GALNT12: variants seen among roughly 807,000 people sequenced by gnomAD.
GALNT12 encodes the protein polypeptide N-acetylgalactosaminyltransferase 12, also known as UDP-GalNAc:polypeptide N-acetylgalactosaminyltransferase 12.
In GALNT12, 45 loss-of-function variants were observed where a neutral mutation model predicts 55.5. The ratio of observed to expected loss-of-function variants is 0.81; its 90% CI spans 0.64 to 1.04. The LOEUF (loss-of-function observed/expected upper bound fraction) is 1.04, where lower values mean the gene tolerates loss of function less well. Among genes scored for constraint, GALNT12 ranks in the 50% least tolerant of loss-of-function variants. The probability of loss-of-function intolerance (pLI) is 0.00; values close to 1 mark genes in which losing one functional copy is unlikely to be tolerated. For synonymous variants in GALNT12, 304 were observed against 312.2 expected, an observed-to-expected ratio of 0.97 and a Z score of 0.28; for missense variants, 709 against 754.8, an observed-to-expected ratio of 0.94 and a Z score of 0.71.
At chr9:98,812,901 G>T (rs1835524592) in intron 1 of GALNT12, among the ~76,000 whole-genome samples, 1 of 152,134 alleles carries the variant, frequency 6.6e-6, no homozygotes. Context: ...ATTAACTATG[G>T]ACCATAGAAT....
intron 6 of GALNT12, among the ~76,000 whole-genome samples, chr9:98,838,905 T>C (rs1169686433): frequency 6.6e-6 from 1 of 152,202 alleles, no homozygotes; most frequent in Non-Finnish European, 1.5e-5. Flanking sequence ...CTGTGGCTGA[T>C]AGGAGGTAGA....
At chr9:98,810,609 G>A (rs1835475177) in intron 1 of GALNT12, among the ~76,000 whole-genome samples, 1 of 152,198 alleles carries the variant, frequency 6.6e-6, no homozygotes, top group South Asian at 2.1e-4. Flanking sequence ...AAGGAGTTGG[G>A]AATGACTAAG....
intron 7 of GALNT12, 112 bp from the exon 8 acceptor site, chr9:98,843,984 T>C (rs1462542792): frequency 2.9e-5 from 22 of 751,566 alleles, no homozygotes; most frequent in Non-Finnish European, 4.4e-5. Flanking sequence ...CCTTTGCGTC[T>C]AGCTCTTGAA....
At position 98,837,122 on chromosome 9, in the gene GALNT12, T is replaced by G. The variant is rs780883563; in HGVS notation, c.1186T>G (p.Tyr396Asp). ...VWMDEFKELYYHRNPRARLEP... is the reference protein window; with the variant it reads ...VWMDEFKELYDHRNPRARLEP... ...GATGGATGAATTTAAAGAGCTCTAC[T>G]ACCATCGCAACCCCCGTGCCCGCTT... The change falls in exon 6 of 10, where the codon TAC becomes GAC. Residue 396 changes from tyrosine to aspartate, a missense_variant. Transcript: ENST00000375011. 6.8e-6 allele frequency: 11 copies of G among 1,614,138 alleles called. No individual in the cohort carries two copies. The South Asian group carries it at 1.1e-4, about 16-fold the overall frequency.
chr9:98,821,624 C>CAAAAAAAAAAAAAGAAA (rs1835742543), intron 1 of GALNT12, among the ~76,000 whole-genome samples: 1 of 112,030 alleles, frequency 8.9e-6, no homozygotes, highest in Non-Finnish European at 1.9e-5. Context: ...GACTCCATCT[C>CAAAAAAAAAAAAAGAAA]AAAAAAAAAA....
chr9:98,829,594 C>G (rs1835947272), intron 3 of GALNT12, among the ~76,000 whole-genome samples: 1 of 151,878 alleles, frequency 6.6e-6, no homozygotes, highest in South Asian at 2.1e-4. Flanking sequence ...TTTTTGTACC[C>G]ATTAACCATC....
chr9:98,841,731 C>T (rs983183519), intron 7 of GALNT12, among the ~76,000 whole-genome samples: 3 of 151,594 alleles, frequency 2.0e-5, no homozygotes, highest in South Asian at 2.1e-4. Flanking sequence ...AGTGCAATGG[C>T]GCGCTCTCAG....
chr9:98,830,021 C>G (rs927470498), intron 3 of GALNT12, among the ~76,000 whole-genome samples: 15 of 152,178 alleles, frequency 9.9e-5, no homozygotes, highest in Non-Finnish European at 2.2e-4. Context: ...TATGGTAGCT[C>G]TATTTTTAGT....
intron 1 of GALNT12, among the ~76,000 whole-genome samples, chr9:98,820,540 A>G (rs1368979850): frequency 6.6e-6 from 1 of 152,222 alleles, no homozygotes; most frequent in Non-Finnish European, 1.5e-5. Context: ...GCTATTGTGA[A>G]TAGTACAGCA....
At position 98,823,553 on chromosome 9, in the gene GALNT12, AG is replaced by A. The variant is rs1835794643; in HGVS notation, c.541+130del. On this transcript the variant is annotated intron_variant, in intron 2 of 9. Transcript: ENST00000375011. ...GGCTTCCTGTATCCTCCTGTACCCA[AG>A]GAAGACCTCAGGGATAGTAGCCCAG... The A allele has an allele frequency of 3.5e-5, 27 of 774,144 alleles. No individual in the cohort carries two copies. In the South Asian group the frequency reaches 3.9e-4, roughly 11 times the overall value. The allele number at this position is 774,144 out of a possible 1,614,324, so 48.0% of individuals were successfully genotyped here. A position where few individuals can be genotyped will look rare whatever the true frequency, so the allele number is the denominator to read the frequency against.
intron 1 of GALNT12, among the ~76,000 whole-genome samples, chr9:98,822,004 T>A (rs1835753253): frequency 6.6e-6 from 1 of 152,228 alleles, no homozygotes; most frequent in Admixed American, 6.5e-5. Context: ...GGGAAGTTTT[T>A]GGTGACTGAC....
chr9:98,816,817 A>ATTTTT (rs35357602), intron 1 of GALNT12, among the ~76,000 whole-genome samples: 1 of 73,118 alleles, frequency 1.4e-5, no homozygotes, highest in Non-Finnish European at 2.7e-5. Context: ...TGTCCAGCTA[A>ATTTTT]TTTTTTTTTT....
chr9:98,843,972 T>TA, intron 7 of GALNT12, 124 bp from the exon 8 acceptor site: 2 of 716,532 alleles, frequency 2.8e-6, no homozygotes, highest in Non-Finnish European at 5.1e-6. Flanking sequence ...AAAAGACTCT[T>TA]ACCTTTGCGT....
In GALNT12 at chr9:98,812,318, T is replaced by TG. The variant is rs544972726; in HGVS notation, c.371+4251dup. On this transcript the variant is annotated intron_variant, in intron 1 of 9. Coordinates refer to ENST00000375011, the MANE Select transcript of GALNT12 (RefSeq NM_024642.5). ...ATTAAAAAAAAATCCAGGCCAGGAG[T>TG]GGTGGCTCACGCCTATAATCTCAAC... 6.9e-4 allele frequency among the ~76,000 whole-genome samples: 105 copies of TG among 151,608 alleles called. 1 individual carries two copies. Among genetic ancestry groups the TG allele is most frequent in the African/African-American group, 2.5e-3 (103 of 41,292 alleles).
chr9:98,812,832 C>A (rs975443734), intron 1 of GALNT12, among the ~76,000 whole-genome samples: 47 of 151,948 alleles, frequency 3.1e-4, no homozygotes, highest in Middle Eastern at 3.4e-3. Flanking sequence ...TTATCTATTT[C>A]TAACCTTAGT....
chr9:98,837,062 G>C lies in GALNT12; in HGVS notation c.1126G>C (p.Ala376Pro), dbSNP rs765486750. 2.5e-6 allele frequency: 4 copies of C among 1,614,168 alleles called. No individual in the cohort carries two copies. The highest frequency in any genetic ancestry group is 1.1e-5 in the South Asian group (1 of 91,078). ...GCAAGCTCCCTACTCCCGCAACAAG[G>C]CTCTGGCCAACAGTGTTCGTGCAGC... ...PKQAPYSRNKALANSVRAAEV... is the reference protein window; with the variant it reads ...PKQAPYSRNKPLANSVRAAEV... Residue 376 changes from alanine (A) to proline (P), a missense_variant, in exon 6 of 10, where the codon GCT becomes CCT. By Grantham distance (27) the Ala-to-Pro change is conservative (BLOSUM62 -1). Coordinates refer to ENST00000375011, the MANE Select transcript of GALNT12 (RefSeq NM_024642.5).
chr9:98,844,115 C>T lies in GALNT12; in HGVS notation c.1364C>T (p.Thr455Ile). 1.2e-6 allele frequency: 2 copies of T among 1,612,806 alleles called. No individual in the cohort carries two copies. Among genetic ancestry groups the T allele is most frequent in the Non-Finnish European group, 1.7e-6 (2 of 1,178,792 alleles). Residue 455 changes from threonine (T) to isoleucine (I), a missense_variant, in exon 8 of 10, where the codon ACA (threonine) becomes ATA (isoleucine). Coordinates refer to ENST00000375011, the MANE Select transcript of GALNT12 (RefSeq NM_024642.5). ...FFGMLQNKGL[T>I]DYCFDYNPPD... ...ATTTAGCTCCAGAACAAAGGACTAA[C>T]AGACTACTGCTTTGACTATAACCCT...
chr9:98,831,894 T>C lies in GALNT12; in HGVS notation c.854T>C (p.Phe285Ser). The change falls in exon 4 of 10, where the codon TTC (phenylalanine) becomes TCC (serine). Residue 285 changes from phenylalanine to serine, a missense_variant. Transcript: ENST00000375011. ...QIGGFDWRLV[F>S]TWHTVPERER... ...GGCGGTTTCGACTGGAGGCTGGTGT[T>C]CACGTGGCACACAGTTCCTGAGAGG... 6.2e-7 allele frequency: 1 copy of C among 1,614,190 alleles called. No homozygotes were observed. Among genetic ancestry groups the C allele is most frequent in the Non-Finnish European group, 8.5e-7 (1 of 1,180,036 alleles).
chr9:98,820,456 G>A (rs963362548), intron 1 of GALNT12, among the ~76,000 whole-genome samples: 1 of 152,120 alleles, frequency 6.6e-6, no homozygotes, highest in African/African-American at 2.4e-5. Context: ...ATAGCATTCC[G>A]TGGTCTACAT....
Sources: gnomAD v4.1 joint callset for allele counts (sites outside exome capture counted in the v4.1 genomes callset) on GRCh38, gnomAD v4.1.1 for gene constraint, MANE v1.5 for transcripts, NCBI Gene and HGNC (gene_info 2026-07-23, HGNC 2026-07-21) for gene names.